The following SIK3 variants were observed in gnomAD, a reference collection of about 807,000 sequenced individuals.
The protein encoded by SIK3 is SIK family kinase 3.
In SIK3, 28 loss-of-function variants were observed where a neutral mutation model predicts 144.2. The ratio of observed to expected loss-of-function variants is 0.19; its 90% CI spans 0.14 to 0.27. SIK3 has a LOEUF of 0.27. SIK3 is among the 10% of genes least tolerant of loss of function. The probability of loss-of-function intolerance (pLI) is 1.00; values close to 1 mark genes in which losing one functional copy is unlikely to be tolerated. For missense variants in SIK3, 1,319 were observed against 1,776.0 expected, an observed-to-expected ratio of 0.74 and a Z score of 4.62; for synonymous variants, 686 against 676.3, an observed-to-expected ratio of 1.01 and a Z score of -0.22.
At chr11:116,937,330 A>G (rs1947972580) in intron 3 of SIK3, among the ~76,000 whole-genome samples, 2 of 152,268 alleles carry the variant, frequency 1.3e-5, no homozygotes, top group African/African-American at 4.8e-5. Flanking sequence ...GAAGCCAGAC[A>G]TATGAATGCA....
intron 1 of SIK3, among the ~76,000 whole-genome samples, chr11:116,983,759 TAGAACTGAACC>T (rs1187996577): frequency 6.6e-6 from 1 of 152,058 alleles, no homozygotes; most frequent in Admixed American, 6.5e-5. Context: ...AAACATGGTC[TAGAACTGAACC>T]ACAACTGAAG....
chr11:117,098,254 G>A lies in SIK3; in HGVS notation c.162C>T (p.Ala54=), dbSNP rs915330960. The A allele has an allele frequency of 5.5e-6, 8 of 1,441,512 alleles. No homozygotes were observed. Among genetic ancestry groups the A allele is most frequent in the Middle Eastern group, 1.9e-4 (1 of 5,354 alleles). The allele number at this position is 1,441,512 out of a possible 1,614,324, so 89.3% of individuals were successfully genotyped here. The change falls in exon 1 of 25, where the codon GCC becomes GCT. Residue 54 remains alanine (A), a synonymous_variant. Transcript: ENST00000445177. ...AAGQPRPPAP[A]SRGPMPARIG... is the part of the protein sequence containing the mutation. The stretch of plus-strand genomic sequence containing the variant: ...TACGGGCGGGCATGGGTCCGCGGGA[G>A]GCCGGGGCTGGGGGACGCGGCTGGC...
intron 6 of SIK3, 144 bp from the exon 7 acceptor site, chr11:116,877,186 T>A: frequency 1.4e-6 from 1 of 691,216 alleles, no homozygotes; most frequent in South Asian, 1.7e-5. Flanking sequence ...CCTTACCTAT[T>A]CTGTTGCTTA....
intron 1 of SIK3, among the ~76,000 whole-genome samples, chr11:117,025,318 TGAAAG>T (rs1669100025): frequency 1.3e-5 from 2 of 152,234 alleles, no homozygotes; most frequent in African/African-American, 4.8e-5. Context: ...ATGGTATGAC[TGAAAG>T]GAAAGTGATA....
chr11:117,085,368 C>T (rs932947965), intron 1 of SIK3, among the ~76,000 whole-genome samples: 1 of 152,172 alleles, frequency 6.6e-6, no homozygotes, highest in Non-Finnish European at 1.5e-5. Flanking sequence ...CTCAAGCGAT[C>T]CACCTACCTA....
rs1308574938 is a variant in SIK3 at position 116,849,090 on chromosome 11, A to G, written c.3819+30T>C. The G allele has an allele frequency of 1.3e-6, 2 of 1,552,316 alleles. No individual in the cohort carries two copies. The highest frequency in any genetic ancestry group is 1.7e-6 in the Non-Finnish European group (2 of 1,144,684). ...TTCAAGGCTGGGACTGGGAGGATCCACCTCTGTGCAGCAGGTGGGACCAAC... is the reference window on the plus strand; with the variant it reads ...TTCAAGGCTGGGACTGGGAGGATCCGCCTCTGTGCAGCAGGTGGGACCAAC... On this transcript the variant is annotated intron_variant, in intron 22 of 24. Coordinates refer to ENST00000445177, the MANE Select transcript of SIK3 (RefSeq NM_001366686.3). This position sits in a 1 kb window ranked among gnomAD's most constrained non-coding sequence, Gnocchi z 4.2.
At chr11:116,908,371 C>G (rs1280074573) in intron 4 of SIK3, among the ~76,000 whole-genome samples, 1 of 151,996 alleles carries the variant, frequency 6.6e-6, no homozygotes, top group African/African-American at 2.4e-5. Context: ...CCCAGCTACT[C>G]GAGAGGCTGA....
At chr11:116,979,769 C>A (rs7940002) in intron 1 of SIK3, among the ~76,000 whole-genome samples, 10,752 of 152,154 alleles carry the variant, frequency 0.071, 674 homozygotes, top group African/African-American at 0.17. Context: ...ATCGTTTGAA[C>A]CTGGGAGGTG....
intron 1 of SIK3, among the ~76,000 whole-genome samples, chr11:117,028,284 A>G (rs992319709): frequency 2.6e-5 from 4 of 152,172 alleles, no homozygotes; most frequent in African/African-American, 9.7e-5. Flanking sequence ...CCCTTCATTC[A>G]TTCACTCATA....
At chr11:117,035,001 G>A (rs758223615) in intron 1 of SIK3, among the ~76,000 whole-genome samples, 1 of 152,174 alleles carries the variant, frequency 6.6e-6, no homozygotes, top group Non-Finnish European at 1.5e-5. Flanking sequence ...ATAATGCAAT[G>A]ATAAAACTGA....
chr11:116,998,499 A>G (rs1950746244), intron 1 of SIK3, among the ~76,000 whole-genome samples: 1 of 150,830 alleles, frequency 6.6e-6, no homozygotes. Context: ...AAAATTGACA[A>G]CCGCTCTTGG....
At chr11:117,095,192 TAAAAAAAAA>T (rs3057848) in intron 1 of SIK3, among the ~76,000 whole-genome samples, 1 of 122,176 alleles carries the variant, frequency 8.2e-6, no homozygotes, top group Admixed American at 8.8e-5. Context: ...CATGTGTGTT[TAAAAAAAAA>T]AAAAAAAAAA....
At chr11:117,072,594 A>G (rs957694671) in intron 1 of SIK3, among the ~76,000 whole-genome samples, 3 of 152,180 alleles carry the variant, frequency 2.0e-5, no homozygotes, top group African/African-American at 7.2e-5. Flanking sequence ...GCTAATACAT[A>G]TGAAAGATTT....
At chr11:117,090,123 T>C (rs1955178608) in intron 1 of SIK3, among the ~76,000 whole-genome samples, 1 of 152,262 alleles carries the variant, frequency 6.6e-6, no homozygotes, top group African/African-American at 2.4e-5. Flanking sequence ...CTACGCCATT[T>C]ATTTAGCAAT....
In SIK3 at chr11:116,889,040, T is replaced by C. The variant is rs184950205; in HGVS notation, c.865+7213A>G. On this transcript the variant is annotated intron_variant, in intron 6 of 24. Coordinates refer to ENST00000445177, the MANE Select transcript of SIK3 (RefSeq NM_001366686.3). ...TTGCTCACAGGAAACACTGTGGACA[T>C]TGGAAAAGTAAAGGAAGTGGTTTAT... Among the ~76,000 whole-genome samples, 22 of 152,318 alleles carry C rather than the reference T, an allele frequency of 1.4e-4. 1 individual carries two copies. Among genetic ancestry groups the C allele is most frequent in the Non-Finnish European group, 2.4e-4 (16 of 68,036 alleles).
chr11:117,012,088 C>A (rs561525788), intron 1 of SIK3, among the ~76,000 whole-genome samples: 31 of 112,172 alleles, frequency 2.8e-4, no homozygotes, highest in African/African-American at 7.2e-4. Flanking sequence ...AAGTGATCCT[C>A]CCAGCCTCCC....
At chr11:116,875,491 A>G (rs1944204911) in intron 9 of SIK3, 40 bp from the exon 10 acceptor site, 1 of 1,580,252 alleles carries the variant, frequency 6.3e-7, no homozygotes, top group Non-Finnish European at 8.7e-7. Flanking sequence ...TACCTTTAAC[A>G]CTAGAGAGAA....
chr11:117,042,849 G>A (rs1952806557), intron 1 of SIK3, among the ~76,000 whole-genome samples: 1 of 152,128 alleles, frequency 6.6e-6, no homozygotes, highest in African/African-American at 2.4e-5. Flanking sequence ...TTTAAAAGTT[G>A]TTTACTTAGT....
At chr11:117,013,983 T>TTTTTTTTTTTTTC (rs1951412939) in intron 1 of SIK3, among the ~76,000 whole-genome samples, 1 of 96,672 alleles carries the variant, frequency 1.0e-5, no homozygotes. Context: ...TTTTTTTTTT[T>TTTTTTTTTTTTTC]TTTTTTTTTT....
Sources: allele counts gnomAD v4.1 joint callset (sites outside exome capture counted in the v4.1 genomes callset), GRCh38; gene constraint gnomAD v4.1.1; non-coding constraint Gnocchi (gnomAD v3.1); transcripts MANE v1.5; gene names NCBI Gene and HGNC (gene_info 2026-07-23, HGNC 2026-07-21).